SORCS2: variants seen among roughly 807,000 people sequenced by gnomAD.
SORCS2 encodes sortilin related VPS10 domain containing receptor 2.
A neutral mutation model predicts 141.6 loss-of-function variants in SORCS2; 100 were observed. The observed-to-expected ratio is 0.71, with a 90% CI of 0.60 to 0.83. The LOEUF is 0.83. Ranked by LOEUF, SORCS2 falls within the 40% of genes least tolerant of loss-of-function variation. SORCS2 has a pLI of 0.00. For missense variants in SORCS2, 1,646 were observed against 1,560.2 expected, an observed-to-expected ratio of 1.05 and a Z score of -0.93; for synonymous variants, 789 against 676.9, an observed-to-expected ratio of 1.17 and a Z score of -2.57.
chr4:7,562,135 G>GATTATA (rs2109677273), intron 3 of SORCS2, among the ~76,000 whole-genome samples: 1 of 152,306 alleles, frequency 6.6e-6, no homozygotes, highest in South Asian at 2.1e-4. Context: ...CTTCTCGATT[G>GATTATA]ATTATAATTC....
At chr4:7,369,302 C>T (rs951160793) in intron 1 of SORCS2, among the ~76,000 whole-genome samples, 4 of 152,186 alleles carry the variant, frequency 2.6e-5, no homozygotes, top group African/African-American at 4.8e-5. Context: ...CAGAGCCAGA[C>T]TCTGTCTGAA....
chr4:7,686,237 T>C (rs1723863203), intron 10 of SORCS2, among the ~76,000 whole-genome samples: 1 of 152,168 alleles, frequency 6.6e-6, no homozygotes, highest in Non-Finnish European at 1.5e-5. Context: ...CATTGGAAAG[T>C]GGTTTGAATC....
At chr4:7,516,512 G>A (rs556125232) in intron 2 of SORCS2, among the ~76,000 whole-genome samples, 1 of 152,040 alleles carries the variant, frequency 6.6e-6, no homozygotes, top group Admixed American at 6.5e-5. Context: ...GTGTTTGGCT[G>A]TTGCGTCTGC....
In SORCS2 at chr4:7,262,762, G is replaced by A. The variant is rs542579791; in HGVS notation, c.480+69636G>A. Among the ~76,000 whole-genome samples the A allele has an allele frequency of 1.1e-4, 17 of 152,218 alleles. No homozygotes were observed. The East Asian group carries it at 2.7e-3, about 24-fold the overall frequency. On this transcript the variant is annotated intron_variant, in intron 1 of 26. Coordinates refer to ENST00000507866, the MANE Select transcript of SORCS2 (RefSeq NM_020777.3). ...TGACACGACCTCCACACAGCCCTCA[G>A]CAGGGACTCCCTTTCCATGCCTCCT...
At chr4:7,221,861 C>T (rs1331071395) in intron 1 of SORCS2, among the ~76,000 whole-genome samples, 1 of 151,450 alleles carries the variant, frequency 6.6e-6, no homozygotes, top group Non-Finnish European at 1.5e-5. Context: ...GTGTTTGGCC[C>T]TGTGGTAGGA....
At chr4:7,645,297 C>T (rs1043721906) in intron 4 of SORCS2, among the ~76,000 whole-genome samples, 12 of 152,182 alleles carry the variant, frequency 7.9e-5, no homozygotes, top group African/African-American at 2.9e-4. Flanking sequence ...GGTGACTCCT[C>T]AGCCCCTGGT....
intron 1 of SORCS2, among the ~76,000 whole-genome samples, chr4:7,391,338 G>T (rs1723850833): frequency 6.6e-6 from 1 of 152,200 alleles, no homozygotes; most frequent in South Asian, 2.1e-4. Flanking sequence ...ATGCCGTTGT[G>T]GGTCCGAGGC....
chr4:7,411,978 C>A (rs1273587476), intron 2 of SORCS2, among the ~76,000 whole-genome samples: 3 of 152,234 alleles, frequency 2.0e-5, no homozygotes, highest in African/African-American at 7.2e-5. Context: ...AGCACACCCC[C>A]ACCATCCCTA....
At chr4:7,330,885 G>T (rs116699543) in intron 1 of SORCS2, among the ~76,000 whole-genome samples, 1 of 152,206 alleles carries the variant, frequency 6.6e-6, no homozygotes, top group East Asian at 2.0e-4. Flanking sequence ...ACTCGCGGCC[G>T]CCATGGACAG....
At chr4:7,572,892 G>A (rs188977716) in intron 3 of SORCS2, among the ~76,000 whole-genome samples, 41 of 152,324 alleles carry the variant, frequency 2.7e-4, no homozygotes, top group African/African-American at 8.2e-4. Context: ...AGGACTGCAC[G>A]TTTGAGAGAT....
chr4:7,582,177 C>G (rs993659012), intron 3 of SORCS2, among the ~76,000 whole-genome samples: 14 of 152,078 alleles, frequency 9.2e-5, no homozygotes, highest in African/African-American at 3.4e-4. Context: ...GAAATGAAGG[C>G]GTTATTATTC....
rs139435820 is a variant in SORCS2, at chr4:7,407,262, C to T, written c.548+10907C>T. The stretch of plus-strand genomic sequence containing the variant: ...TCTGGGTGATCTGTCCATAGCTGCT[C>T]ATAACTGAGAGGAGTGTTAAAGTCC... On this transcript the variant is annotated intron_variant, in intron 2 of 26. Coordinates refer to ENST00000507866, the MANE Select transcript of SORCS2 (RefSeq NM_020777.3). Among the ~76,000 whole-genome samples, 9 of 152,112 alleles carry T rather than the reference C, an allele frequency of 5.9e-5. No homozygotes were observed. The East Asian group carries it at 1.4e-3, about 23-fold the overall frequency.
At chr4:7,376,756 A>G (rs1036196844) in intron 1 of SORCS2, among the ~76,000 whole-genome samples, 1 of 152,224 alleles carries the variant, frequency 6.6e-6, no homozygotes, top group Non-Finnish European at 1.5e-5. Context: ...CTTACAAAGA[A>G]GGGATCGTGA....
At chr4:7,670,679 G>A (rs1405586248) in intron 8 of SORCS2, among the ~76,000 whole-genome samples, 1 of 152,218 alleles carries the variant, frequency 6.6e-6, no homozygotes, top group African/African-American at 2.4e-5. Flanking sequence ...GGCAAGGCAT[G>A]GATGGCATAT....
rs1716249054 is a variant in SORCS2, at chr4:7,286,693, G to A, written c.480+93567G>A. Among the ~76,000 whole-genome samples the A allele has an allele frequency of 6.6e-6, 1 of 152,206 alleles. No homozygotes were observed. Among genetic ancestry groups the A allele is most frequent in the Non-Finnish European group, 1.5e-5 (1 of 68,034 alleles). ...GCTGGGACTCGACTCTGGGCCTCCT[G>A]CCTTCTGGCCTGGCACTTTTTCCAC... On this transcript the variant is annotated intron_variant, in intron 1 of 26. Transcript: ENST00000507866. The surrounding 1 kb of genome is among the most constrained non-coding windows in gnomAD (Gnocchi z 4.1).
At chr4:7,368,699 A>G (rs560919257) in intron 1 of SORCS2, among the ~76,000 whole-genome samples, 63 of 152,300 alleles carry the variant, frequency 4.1e-4, no homozygotes, top group African/African-American at 1.4e-3. Flanking sequence ...AGCAGTTTTA[A>G]GTTTGAAGTT....
intron 1 of SORCS2, among the ~76,000 whole-genome samples, chr4:7,325,554 A>G (rs1367305725): frequency 6.6e-6 from 1 of 152,164 alleles, no homozygotes; most frequent in Non-Finnish European, 1.5e-5. Flanking sequence ...AAGGGCCTAA[A>G]TGGGGCTGGG....
intron 1 of SORCS2, among the ~76,000 whole-genome samples, chr4:7,202,975 C>T (rs1727554209): frequency 6.6e-6 from 1 of 151,442 alleles, no homozygotes; most frequent in Admixed American, 6.6e-5. Context: ...CTCATTTGCT[C>T]CTGAACAGAG....
chr4:7,643,169 C>T (rs1344179825), intron 4 of SORCS2, among the ~76,000 whole-genome samples: 1 of 152,218 alleles, frequency 6.6e-6, no homozygotes, highest in African/African-American at 2.4e-5. Context: ...ATTTGGGTCA[C>T]TGTGAGTCTG....
Sources: allele counts gnomAD v4.1 joint callset (sites outside exome capture counted in the v4.1 genomes callset), GRCh38; gene constraint gnomAD v4.1.1; non-coding constraint Gnocchi (gnomAD v3.1); transcripts MANE v1.5; gene names NCBI Gene and HGNC (gene_info 2026-07-23, HGNC 2026-07-21).